AS3MT: variants seen among roughly 807,000 people sequenced by gnomAD.
AS3MT encodes the protein arsenite methyltransferase, also known as S-adenosyl-L-methionine:arsenic(III) methyltransferase.
AS3MT carries 47 observed loss-of-function variants against 45.3 expected under a neutral mutation model. The ratio of observed to expected loss-of-function variants is 1.04; its 90% CI spans 0.82 to 1.32. AS3MT has a LOEUF of 1.32. Among genes scored for constraint, AS3MT ranks in the 40% most tolerant of loss-of-function variants. The probability of loss-of-function intolerance (pLI) is 0.00; values close to 1 mark genes in which losing one functional copy is unlikely to be tolerated. For missense variants in AS3MT, 396 were observed against 451.1 expected (o/e 0.88, Z 1.11); for synonymous variants, 141 against 152.8 (o/e 0.92, Z 0.57).
chr10:102,880,634 T>C (rs1242196635), intron 9 of AS3MT, among the ~76,000 whole-genome samples: 1 of 152,206 alleles, frequency 6.6e-6, no homozygotes, highest in Non-Finnish European at 1.5e-5. Flanking sequence ...ACGTTAAGCA[T>C]TGGTCCTCAA....
intron 9 of AS3MT, among the ~76,000 whole-genome samples, chr10:102,887,650 C>T (rs1239042154): frequency 6.6e-6 from 1 of 151,916 alleles, no homozygotes; most frequent in Non-Finnish European, 1.5e-5. Context: ...TTTTGGTTTC[C>T]AGTTGCTTGG....
At chr10:102,870,015 A>G in intron 2 of AS3MT, 69 bp from the exon 3 acceptor site, 1 of 1,582,918 alleles carries the variant, frequency 6.3e-7, no homozygotes, top group Non-Finnish European at 8.6e-7. Flanking sequence ...GTGGTGACGG[A>G]GCCCTCGCGC....
At chr10:102,896,164 T>G (rs569835896) in intron 10 of AS3MT, among the ~76,000 whole-genome samples, 28 of 151,820 alleles carry the variant, frequency 1.8e-4, no homozygotes, top group Admixed American at 2.6e-4. Context: ...AAACCGTGTC[T>G]GTACTAAAAA....
At chr10:102,898,704 A>G (rs1391501687) in intron 10 of AS3MT, among the ~76,000 whole-genome samples, 1 of 152,246 alleles carries the variant, frequency 6.6e-6, no homozygotes, top group Non-Finnish European at 1.5e-5. Flanking sequence ...TAGCAGTAAT[A>G]TAGAGGAATT....
chr10:102,880,590 C>T (rs1844856755), intron 9 of AS3MT, among the ~76,000 whole-genome samples: 1 of 152,160 alleles, frequency 6.6e-6, no homozygotes, highest in Non-Finnish European at 1.5e-5. Flanking sequence ...CTCAAGTCAA[C>T]AAATCTATTG....
rs78044757 is a variant in AS3MT, at chr10:102,881,547, C to T, written c.885+2556C>T. Among the ~76,000 whole-genome samples the T allele has an allele frequency of 6.4e-3, 977 of 152,204 alleles. 8 individuals carry two copies. Among genetic ancestry groups the T allele is most frequent in the African/African-American group, 0.022 (924 of 41,532 alleles). ...TAAACTTGAACAAGTCACCAAAATT[C>T]GTTGGGTTACAGTTTGTTCTACTGT... On this transcript the variant is annotated intron_variant, in intron 9 of 10. Coordinates refer to ENST00000369880, the MANE Select transcript of AS3MT (RefSeq NM_020682.4). This position sits in a 1 kb window ranked among gnomAD's most constrained non-coding sequence, Gnocchi z 4.2.
intron 10 of AS3MT, among the ~76,000 whole-genome samples, chr10:102,891,137 C>T (rs753789895): frequency 6.6e-6 from 1 of 152,166 alleles, no homozygotes; most frequent in African/African-American, 2.4e-5. Context: ...GCCCAACTCC[C>T]GAGATCTTAT....
chr10:102,884,761 G>T (rs190708624), intron 9 of AS3MT, among the ~76,000 whole-genome samples: 21 of 152,126 alleles, frequency 1.4e-4, no homozygotes, highest in African/African-American at 4.6e-4. Context: ...TGGCCAGGCT[G>T]GTCTCTAACT....
intron 10 of AS3MT, among the ~76,000 whole-genome samples, chr10:102,891,948 C>CAAAAAAAAA (rs57594880): frequency 5.2e-5 from 3 of 57,864 alleles, no homozygotes; most frequent in African/African-American, 2.1e-4. Flanking sequence ...GACTCTGTCT[C>CAAAAAAAAA]AAAAAAAAAA....
intron 10 of AS3MT, among the ~76,000 whole-genome samples, chr10:102,893,443 T>C (rs1316435876): frequency 6.6e-6 from 1 of 150,836 alleles, no homozygotes; most frequent in Non-Finnish European, 1.5e-5. Context: ...CTCAGCCTCC[T>C]GAGTAGCTGT....
chr10:102,869,914 C>A, intron 2 of AS3MT, 69 bp downstream of exon 2: 2 of 1,598,564 alleles, frequency 1.3e-6, no homozygotes. Context: ...CTGGCCCGCA[C>A]CCTGTCCCCC....
At chr10:102,898,977 A>G (rs931872769) in intron 10 of AS3MT, among the ~76,000 whole-genome samples, 8 of 152,314 alleles carry the variant, frequency 5.3e-5, no homozygotes, top group African/African-American at 1.9e-4. Flanking sequence ...AGGACTGCTT[A>G]TATCTGGGTA....
At chr10:102,873,003 G>A in intron 4 of AS3MT, 94 bp from the exon 5 acceptor site, 1 of 1,032,364 alleles carries the variant, frequency 9.7e-7, no homozygotes, top group Non-Finnish European at 1.4e-6. Context: ...AAATAATCTA[G>A]GGGAAGTATA....
chr10:102,895,852 C>T (rs186080856), intron 10 of AS3MT, among the ~76,000 whole-genome samples: 3,161 of 151,838 alleles, frequency 0.021, 100 homozygotes, highest in African/African-American at 0.07. Flanking sequence ...CTTGGCTCAC[C>T]GCAACCTCCG....
chr10:102,884,126 G>A (rs1309724051), intron 9 of AS3MT, among the ~76,000 whole-genome samples: 1 of 151,620 alleles, frequency 6.6e-6, no homozygotes, highest in Admixed American at 6.6e-5. Context: ...CTATAGGTGT[G>A]TGCTACCACA....
At chr10:102,895,384 A>G (rs550273314) in intron 10 of AS3MT, among the ~76,000 whole-genome samples, 2 of 152,054 alleles carry the variant, frequency 1.3e-5, no homozygotes, top group South Asian at 4.2e-4. Context: ...TATTTTTAGT[A>G]GAGGCGGGGT....
Position 102,889,919 on chromosome 10 carries a change from A to C in AS3MT, c.886-625A>C, listed in dbSNP as rs377172282. On this transcript the variant is annotated intron_variant, in intron 9 of 10. Coordinates refer to ENST00000369880, the MANE Select transcript of AS3MT (RefSeq NM_020682.4). Reference sequence around the variant, plus strand: ...TCTCGAACTCCTGACCTCATGATCCACCTGCCTCAGCCTCCCAAAGTGCTG... The same window carrying C: ...TCTCGAACTCCTGACCTCATGATCCCCCTGCCTCAGCCTCCCAAAGTGCTG... Among the ~76,000 whole-genome samples the C allele has an allele frequency of 2.2e-3, 326 of 149,602 alleles. 3 individuals are homozygous for C. Among genetic ancestry groups the C allele is most frequent in the African/African-American group, 7.9e-3 (321 of 40,582 alleles).
chr10:102,888,846 A>C lies in AS3MT; in HGVS notation c.886-1698A>C, dbSNP rs1293869174. Reference sequence around the variant, plus strand: ...AACACTAGGTCTTATTTCTTTCATCAAACCCTATATATATATATATATATA... The same window carrying C: ...AACACTAGGTCTTATTTCTTTCATCCAACCCTATATATATATATATATATA... On this transcript the variant is annotated intron_variant, in intron 9 of 10. Coordinates refer to ENST00000369880, the MANE Select transcript of AS3MT (RefSeq NM_020682.4). Among the ~76,000 whole-genome samples, 4 of 132,442 alleles carry C rather than the reference A, an allele frequency of 3.0e-5. No homozygotes were observed. The Admixed American group carries it at 3.3e-4, about 11-fold the overall frequency. 86.9% of individuals were successfully genotyped at this position (132,442 alleles called of 152,430 possible).
At position 102,890,563 on chromosome 10, in the gene AS3MT, T is replaced by C. The variant is rs765543616; in HGVS notation, c.905T>C (p.Val302Ala). Residue 302 changes from valine to alanine, a missense_variant, in exon 10 of 11, where the codon GTG (valine) becomes GCG (alanine). Physicochemically the swap from Val to Ala is moderately conservative, Grantham distance 64. Coordinates refer to ENST00000369880, the MANE Select transcript of AS3MT (RefSeq NM_020682.4). Reference protein sequence around the residue: ...FTFKEGEIVEVDEETAAILKN... With the variant: ...FTFKEGEIVEADEETAAILKN... ...CTTTAGGAAGGTGAAATTGTTGAAG[T>C]GGATGAAGAAACAGCAGCTATCTTG... 1.9e-6 allele frequency: 3 copies of C among 1,600,668 alleles called. 1 individual carries two copies. The highest frequency in any genetic ancestry group is 2.3e-5 in the South Asian group (2 of 87,978).
Sources: gnomAD v4.1 joint callset for allele counts (sites outside exome capture counted in the v4.1 genomes callset) on GRCh38, gnomAD v4.1.1 for gene constraint, Gnocchi (gnomAD v3.1) non-coding constraint, MANE v1.5 for transcripts, NCBI Gene and HGNC (gene_info 2026-07-23, HGNC 2026-07-21) for gene names.